Variants in ZNF805 observed in about 807,000 individuals in gnomAD.
ZNF805 encodes zinc finger protein 805.
Under a neutral mutation model 13.6 loss-of-function variants are expected in ZNF805, and 7 were observed. That is an observed-to-expected ratio of 0.51 (90% confidence interval 0.29 to 0.97). The LOEUF (loss-of-function observed/expected upper bound fraction) is 0.97. ZNF805 is among the 50% of genes least tolerant of loss of function. The pLI, the probability that ZNF805 is intolerant of heterozygous loss-of-function variation, is 0.08. For synonymous variants in ZNF805, 293 were observed against 279.8 expected (o/e 1.05, Z -0.47); for missense variants, 604 against 771.0 (o/e 0.78, Z 2.57).
At chr19:57,241,372 G>A (rs540225459) in intron 1 of ZNF805, among the ~76,000 whole-genome samples, 5 of 152,156 alleles carry the variant, frequency 3.3e-5, no homozygotes, top group African/African-American at 1.2e-4. Context: ...AGAGGACCAA[G>A]CAGAGAAAGC....
chr19:57,250,498 C>T (rs112295681), intron 3 of ZNF805, among the ~76,000 whole-genome samples: 27 of 152,332 alleles, frequency 1.8e-4, no homozygotes, highest in African/African-American at 5.3e-4. Flanking sequence ...TCCCAAAGTG[C>T]TGGGATTACA....
At chr19:57,248,251 C>G (rs2122834646) in intron 2 of ZNF805, among the ~76,000 whole-genome samples, 1 of 151,416 alleles carries the variant, frequency 6.6e-6, no homozygotes, top group South Asian at 2.1e-4. Context: ...AGATACATAC[C>G]TTGTTCTGAA....
At position 57,255,207 on chromosome 19, in the gene ZNF805, A is replaced by G. The variant is rs2087680573; in HGVS notation, c.*504A>G. ...AAAAAATTCTTTTTTAATGGGTTTTAAACACTAACACTGAGAATTTTTCTT... is the reference window on the plus strand; with the variant it reads ...AAAAAATTCTTTTTTAATGGGTTTTGAACACTAACACTGAGAATTTTTCTT... On this transcript the variant is annotated 3_prime_UTR_variant, in exon 4 of 4. Transcript: ENST00000414468. The G allele has an allele frequency of 6.0e-6, 1 of 167,342 alleles. No individual in the cohort carries two copies. The highest frequency in any genetic ancestry group is 1.5e-5 in the Non-Finnish European group (1 of 68,374). The allele number at this position is 167,342 out of a possible 1,614,324, so 10.4% of individuals were successfully genotyped here. A position where few individuals can be genotyped will look rare whatever the true frequency, so the allele number is the denominator to read the frequency against.
chr19:57,245,792 A>C (rs924553082), intron 2 of ZNF805, among the ~76,000 whole-genome samples: 2 of 151,572 alleles, frequency 1.3e-5, no homozygotes, highest in African/African-American at 4.9e-5. Context: ...AAAAAAAAAA[A>C]CCTAAGATGA....
chr19:57,258,077 T>G lies in ZNF805; in HGVS notation c.*3374T>G, dbSNP rs542307479. Among the ~76,000 whole-genome samples the G allele has an allele frequency of 1.4e-5, 2 of 146,464 alleles. No homozygotes were observed. Among genetic ancestry groups the G allele is most frequent in the Non-Finnish European group, 3.0e-5 (2 of 67,188 alleles). On this transcript the variant is annotated 3_prime_UTR_variant, in exon 4 of 4. Transcript: ENST00000414468. Reference sequence around the variant, plus strand: ...CCCTGGCTGGAGTGCAGTGGCGCAGTCTGCAACCTCTGCCTCCCGGGTTCA... The same window carrying G: ...CCCTGGCTGGAGTGCAGTGGCGCAGGCTGCAACCTCTGCCTCCCGGGTTCA...
chr19:57,243,824 G>A, intron 1 of ZNF805, 99 bp from the exon 2 acceptor site: 1 of 1,548,674 alleles, frequency 6.5e-7, no homozygotes, highest in Non-Finnish European at 8.8e-7. Flanking sequence ...CCCTCAGGAG[G>A]CCCTCAGTGA....
intron 2 of ZNF805, 32 bp downstream of exon 2, chr19:57,244,081 T>C (rs755548017): frequency 6.2e-7 from 1 of 1,603,246 alleles, no homozygotes; most frequent in African/African-American, 1.3e-5. Flanking sequence ...ATGCAGGGGA[T>C]CTGCCACCTC....
Position 57,253,911 on chromosome 19 carries a change from T to C in ZNF805, c.1092T>C (p.Thr364=). The change falls in exon 4 of 4, where the codon ACT becomes ACC. Residue 364 remains threonine, a synonymous_variant. Coordinates refer to ENST00000414468, the MANE Select transcript of ZNF805 (RefSeq NM_001023563.4). The surrounding 1 kb of genome is among the most constrained non-coding windows in gnomAD (Gnocchi z 4.4). ...HRSYLMWHQQ[T]HTGEKPYECS... is the part of the protein sequence containing the mutation. ...CATACCTCATGTGGCACCAGCAGAC[T>C]CATACCGGGGAGAAGCCCTATGAGT... 1.9e-6 allele frequency: 3 copies of C among 1,613,998 alleles called. No individual in the cohort carries two copies. The highest frequency in any genetic ancestry group is 2.5e-6 in the Non-Finnish European group (3 of 1,179,984).
chr19:57,245,743 C>A (rs371814464), intron 2 of ZNF805, among the ~76,000 whole-genome samples: 1 of 151,328 alleles, frequency 6.6e-6, no homozygotes, highest in Non-Finnish European at 1.5e-5. Context: ...TGCACCACTG[C>A]ACTCCAGCCT....
rs563348688 is a variant in ZNF805, at chr19:57,260,583, T to C, written c.*5880T>C. 2.6e-5 allele frequency among the ~76,000 whole-genome samples: 4 copies of C among 152,338 alleles called. No homozygotes were observed. The South Asian group carries it at 8.3e-4, about 32-fold the overall frequency. On this transcript the variant is annotated 3_prime_UTR_variant, in exon 4 of 4. Coordinates refer to ENST00000414468, the MANE Select transcript of ZNF805 (RefSeq NM_001023563.4). ...TGGCTTTTTTCCTTTTTAGGGTCTG[T>C]GTCTTTCTTCCATCTGTAAAACAGC... is the stretch of plus-strand genomic sequence containing the variant.
In ZNF805 at chr19:57,255,062, T is replaced by C; in HGVS notation, c.*359T>C. ...ATTGTCTCTTCTTAAGAAGCATTGT[T>C]TTTATGAGAAATAATGAAGCCTTGA... On this transcript the variant is annotated 3_prime_UTR_variant, in exon 4 of 4. Transcript: ENST00000414468. The C allele has an allele frequency of 5.1e-6, 1 of 194,546 alleles. No homozygotes were observed. The highest frequency in any genetic ancestry group is 1.2e-5 in the Non-Finnish European group (1 of 86,044). The allele number at this position is 194,546 out of a possible 1,614,324, so 12.1% of individuals were successfully genotyped here.
At position 57,256,389 on chromosome 19, in the gene ZNF805, A is replaced by G. The variant is rs1202759047; in HGVS notation, c.*1686A>G. On this transcript the variant is annotated 3_prime_UTR_variant, in exon 4 of 4. Coordinates refer to ENST00000414468, the MANE Select transcript of ZNF805 (RefSeq NM_001023563.4). ...TTCTCTTCTGTTTTTTTGGAAGATC[A>G]TGTGTAGAATTGGTGTTATTTGTTC... Among the ~76,000 whole-genome samples the G allele has an allele frequency of 1.3e-5, 2 of 152,100 alleles. No homozygotes were observed. The highest frequency in any genetic ancestry group is 2.4e-5 in the African/African-American group (1 of 41,442).
At chr19:57,245,691 A>G (rs1016519257) in intron 2 of ZNF805, among the ~76,000 whole-genome samples, 2 of 151,422 alleles carry the variant, frequency 1.3e-5, no homozygotes, top group Admixed American at 6.6e-5. Flanking sequence ...AGGCAGGAGA[A>G]TGGCGTGAAC....
intron 2 of ZNF805, 25 bp from the exon 3 acceptor site, chr19:57,248,580 G>T: frequency 6.5e-7 from 1 of 1,540,954 alleles, no homozygotes; most frequent in African/African-American, 1.4e-5. Flanking sequence ...ACATCCATGT[G>T]TCCACTTGCT....
intron 3 of ZNF805, among the ~76,000 whole-genome samples, chr19:57,252,631 C>T (rs990010680): frequency 2.0e-5 from 3 of 152,162 alleles, no homozygotes; most frequent in Admixed American, 2.0e-4. Flanking sequence ...GAGACATTGC[C>T]CACATTGCCA....
intron 3 of ZNF805, 87 bp downstream of exon 3, chr19:57,248,787 T>A: frequency 8.2e-7 from 1 of 1,218,818 alleles, no homozygotes; most frequent in Non-Finnish European, 1.2e-6. Flanking sequence ...TTGGGAAGCT[T>A]CTCACTGTGG....
intron 1 of ZNF805, 38 bp from the exon 2 acceptor site, chr19:57,243,885 C>T (rs1204022229): frequency 1.9e-6 from 3 of 1,613,960 alleles, no homozygotes; most frequent in Non-Finnish European, 1.7e-6. Flanking sequence ...ATGCAATAGT[C>T]CCACAGCAAA....
At chr19:57,241,581 C>T (rs958173987) in intron 1 of ZNF805, among the ~76,000 whole-genome samples, 2 of 152,098 alleles carry the variant, frequency 1.3e-5, no homozygotes, top group Non-Finnish European at 2.9e-5. Context: ...ACCCGGTCCA[C>T]TATGGCTGAC....
At position 57,240,864 on chromosome 19, in the gene ZNF805, C is replaced by T. The variant is rs2087574743; in HGVS notation, c.-28C>T. 6.5e-7 allele frequency: 1 copy of T among 1,547,372 alleles called. No individual in the cohort carries two copies. Among genetic ancestry groups the T allele is most frequent in the Non-Finnish European group, 8.7e-7 (1 of 1,144,586 alleles). On this transcript the variant is annotated 5_prime_UTR_variant, in exon 1 of 4. Transcript: ENST00000414468. ...GACCCGCCCTGCTCGCCGCAGCCCC[C>T]GCCCCGCTAGGGCCACAGGGTCCCG...
Sources: gnomAD v4.1 joint callset for allele counts (sites outside exome capture counted in the v4.1 genomes callset) on GRCh38, gnomAD v4.1.1 for gene constraint, Gnocchi (gnomAD v3.1) non-coding constraint, MANE v1.5 for transcripts, NCBI Gene and HGNC (gene_info 2026-07-23, HGNC 2026-07-21) for gene names.